PGM2L1: variants seen among roughly 807,000 people sequenced by gnomAD.
The protein encoded by PGM2L1 is glucose 1,6-bisphosphate synthase.
PGM2L1 carries 35 observed loss-of-function variants against 73.4 expected under a neutral mutation model. That is an observed-to-expected ratio of 0.48 (90% CI 0.36 to 0.63). The LOEUF is 0.63. Ranked by LOEUF, PGM2L1 falls within the 30% of genes least tolerant of loss-of-function variation. The probability of loss-of-function intolerance (pLI) is 0.00; values close to 1 mark genes in which losing one functional copy is unlikely to be tolerated. For synonymous variants in PGM2L1, 225 were observed against 253.8 expected (o/e 0.89, Z 1.08); for missense variants, 570 against 742.0 (o/e 0.77, Z 2.69).
chr11:74,386,479 A>C (rs866702114), intron 1 of PGM2L1, among the ~76,000 whole-genome samples: 7 of 150,652 alleles, frequency 4.6e-5, no homozygotes, highest in Admixed American at 1.3e-4. Flanking sequence ...AAAAAAAAAA[A>C]CTTTTTTTTT....
chr11:74,338,863 C>G (rs745847130), intron 12 of PGM2L1, among the ~76,000 whole-genome samples: 30 of 152,186 alleles, frequency 2.0e-4, no homozygotes, highest in Admixed American at 1.6e-3. Context: ...CACTACCGAA[C>G]TATACACTTA....
At chr11:74,393,123 C>G (rs1211071301) in intron 1 of PGM2L1, among the ~76,000 whole-genome samples, 1 of 152,096 alleles carries the variant, frequency 6.6e-6, no homozygotes, top group Admixed American at 6.6e-5. Context: ...CAGCATTTTA[C>G]CAAAGTTGAA....
rs140134370 is a variant in PGM2L1, at chr11:74,346,795, G to C, written c.974C>G (p.Ala325Gly). 7.2e-5 allele frequency: 117 copies of C among 1,613,888 alleles called. No homozygotes were observed. Among genetic ancestry groups the C allele is most frequent in the Non-Finnish European group, 6.4e-5 (76 of 1,179,946 alleles). Reference sequence around the variant, plus strand: ...AGGATCTGTGGCTAGCACTACCCGGGCATTTTCTTTCTCTGCCAGTCTCAA... The same window carrying C: ...AGGATCTGTGGCTAGCACTACCCGGCCATTTTCTTTCTCTGCCAGTCTCAA... The part of the protein sequence containing the change: ...LSLRLAEKEN[A>G]RVVLATDPDA... Residue 325 changes from alanine to glycine, a missense_variant, in exon 8 of 14, where the codon GCC becomes GGC. Coordinates refer to ENST00000298198, the MANE Select transcript of PGM2L1 (RefSeq NM_173582.6).
intron 1 of PGM2L1, among the ~76,000 whole-genome samples, chr11:74,387,824 T>A (rs890153890): frequency 6.6e-6 from 1 of 152,206 alleles, no homozygotes. Context: ...TCTCTTATTT[T>A]AAAAATACTA....
intron 4 of PGM2L1, 82 bp downstream of exon 4, chr11:74,370,820 C>CA (rs1243865620): frequency 4.6e-6 from 6 of 1,293,726 alleles, no homozygotes; most frequent in Non-Finnish European, 5.5e-6. Context: ...ACTACATGCA[C>CA]AAAAAATATT....
chr11:74,375,426 T>C (rs377329404), intron 1 of PGM2L1, among the ~76,000 whole-genome samples: 28 of 152,280 alleles, frequency 1.8e-4, no homozygotes, highest in African/African-American at 6.5e-4. Flanking sequence ...TTACATGGAA[T>C]TTTCCAATAT....
At chr11:74,343,181 A>G in intron 10 of PGM2L1, 142 bp downstream of exon 10, 2 of 1,318,024 alleles carry the variant, frequency 1.5e-6, no homozygotes, top group Non-Finnish European at 2.0e-6. Flanking sequence ...TTTTTCTGAT[A>G]AGAAATGTAT....
chr11:74,370,812 TAC>T, intron 4 of PGM2L1, 88 bp downstream of exon 4: 1 of 1,198,900 alleles, frequency 8.3e-7, no homozygotes, highest in Non-Finnish European at 1.2e-6. Context: ...AATACAGAAC[TAC>T]ATGCACAAAA....
At chr11:74,394,818 A>G (rs1368018066) in intron 1 of PGM2L1, among the ~76,000 whole-genome samples, 1 of 152,180 alleles carries the variant, frequency 6.6e-6, no homozygotes, top group African/African-American at 2.4e-5. Flanking sequence ...TTTAGTGACC[A>G]ACGCAAGTAG....
intron 13 of PGM2L1, among the ~76,000 whole-genome samples, chr11:74,337,302 A>T (rs1272421189): frequency 6.6e-6 from 1 of 152,254 alleles, no homozygotes; most frequent in African/African-American, 2.4e-5. Context: ...TCATTTTAAA[A>T]GCTACACAAC....
intron 8 of PGM2L1, 99 bp from the exon 9 acceptor site, chr11:74,345,748 C>A (rs1280975455): frequency 3.0e-6 from 3 of 1,003,988 alleles, no homozygotes; most frequent in East Asian, 2.5e-5. Context: ...TAGGAAAAAT[C>A]AAAAACTATC....
Position 74,334,102 on chromosome 11 carries a change from T to C in PGM2L1, c.*2550A>G, listed in dbSNP as rs890304858. The C allele has an allele frequency of 7.2e-5, 11 of 152,290 alleles. No homozygotes were observed. Among genetic ancestry groups the C allele is most frequent in the African/African-American group, 2.6e-4 (11 of 41,554 alleles). 9.4% of individuals were successfully genotyped at this position (152,290 alleles called of 1,614,324 possible). On this transcript the variant is annotated 3_prime_UTR_variant, in exon 14 of 14. Transcript: ENST00000298198. ...AAAATAATTCCCTCAATCGATACAC[T>C]TCAGGAACATTTGTAAAATTTTGTT...
At chr11:74,347,589 T>C (rs1340879280) in intron 6 of PGM2L1, among the ~76,000 whole-genome samples, 1 of 152,208 alleles carries the variant, frequency 6.6e-6, no homozygotes, top group African/African-American at 2.4e-5. Context: ...GCCAATACCC[T>C]GAACAAGCTA....
rs1862274126 is a variant in PGM2L1, at chr11:74,346,814, G to A, written c.955C>T (p.Leu319=). ...ACCCGGGCATTTTCTTTCTCTGCCA[G>A]TCTCAAGGAAAGTTCCTGAAACAGT... is the stretch of plus-strand genomic sequence containing the variant. ...GESVLELSLR[L]AEKENARVVL... The change falls in exon 8 of 14, where the codon CTG becomes TTG. Residue 319 remains leucine, a synonymous_variant. Coordinates refer to ENST00000298198, the MANE Select transcript of PGM2L1 (RefSeq NM_173582.6). 1 of 1,613,760 alleles carries A rather than the reference G, an allele frequency of 6.2e-7. No homozygotes were observed. The highest frequency in any genetic ancestry group is 1.7e-5 in the Admixed American group (1 of 59,992).
chr11:74,351,128 A>G (rs1241743973), intron 6 of PGM2L1, among the ~76,000 whole-genome samples: 1 of 152,176 alleles, frequency 6.6e-6, no homozygotes, highest in African/African-American at 2.4e-5. Flanking sequence ...TTCAAGGTTT[A>G]TCCATGTTGT....
intron 1 of PGM2L1, among the ~76,000 whole-genome samples, chr11:74,381,096 T>G (rs1373476143): frequency 6.6e-6 from 1 of 152,202 alleles, no homozygotes. Flanking sequence ...AGTGATCATG[T>G]GAGGCACTAA....
chr11:74,358,656 A>C (rs1445279983), intron 5 of PGM2L1, among the ~76,000 whole-genome samples: 1 of 152,224 alleles, frequency 6.6e-6, no homozygotes, highest in African/African-American at 2.4e-5. Context: ...TGGGAGGCCA[A>C]GGCAGGAGGA....
At chr11:74,376,447 G>T (rs564738309) in intron 1 of PGM2L1, among the ~76,000 whole-genome samples, 1 of 151,028 alleles carries the variant, frequency 6.6e-6, no homozygotes, top group African/African-American at 2.4e-5. Flanking sequence ...AACAAGTATA[G>T]TGTGTGTGTA....
chr11:74,386,122 A>T (rs1863014198), intron 1 of PGM2L1, among the ~76,000 whole-genome samples: 1 of 152,108 alleles, frequency 6.6e-6, no homozygotes, highest in South Asian at 2.1e-4. Context: ...ACAAACTGAG[A>T]AAAAAACATT....
Sources: allele counts gnomAD v4.1 joint callset (sites outside exome capture counted in the v4.1 genomes callset), GRCh38; gene constraint gnomAD v4.1.1; transcripts MANE v1.5; gene names NCBI Gene and HGNC (gene_info 2026-07-23, HGNC 2026-07-21).